ADCY9: variants seen among roughly 807,000 people sequenced by gnomAD.
ADCY9 encodes adenylate cyclase 9.
A neutral mutation model predicts 101.5 loss-of-function variants in ADCY9; 50 were observed. The ratio of observed to expected loss-of-function variants is 0.49; its 90% CI spans 0.39 to 0.62. The LOEUF is 0.62. Among genes scored for constraint, ADCY9 ranks in the 20% least tolerant of loss-of-function variants. The pLI is 0.00. For synonymous variants in ADCY9, 905 were observed against 769.3 expected, an observed-to-expected ratio of 1.18 and a Z score of -2.92; for missense variants, 1,662 against 1,800.4, an observed-to-expected ratio of 0.92 and a Z score of 1.39.
At chr16:4,109,532 C>T (rs2057100469) in intron 2 of ADCY9, among the ~76,000 whole-genome samples, 1 of 152,144 alleles carries the variant, frequency 6.6e-6, no homozygotes, top group African/African-American at 2.4e-5. Flanking sequence ...CCATTCATAC[C>T]ATAGCAACTT....
At chr16:4,108,786 A>G (rs1275837060) in intron 2 of ADCY9, among the ~76,000 whole-genome samples, 1 of 149,450 alleles carries the variant, frequency 6.7e-6, no homozygotes, top group Admixed American at 6.7e-5. Flanking sequence ...GCTCACTGCA[A>G]CCTCCGTCTC....
intron 2 of ADCY9, among the ~76,000 whole-genome samples, chr16:4,049,282 C>G (rs907129975): frequency 2.6e-5 from 4 of 152,084 alleles, no homozygotes; most frequent in African/African-American, 9.7e-5. Flanking sequence ...GAAGAGGGTC[C>G]AGGGAAATGC....
At chr16:4,085,341 G>A (rs1179126868) in intron 2 of ADCY9, among the ~76,000 whole-genome samples, 2 of 152,206 alleles carry the variant, frequency 1.3e-5, no homozygotes, top group Non-Finnish European at 2.9e-5. Context: ...CAGCCTGGGC[G>A]ACAGAGCAAG....
At chr16:4,014,106 C>T (rs1001895645) in intron 2 of ADCY9, among the ~76,000 whole-genome samples, 30 of 152,190 alleles carry the variant, frequency 2.0e-4, no homozygotes, top group African/African-American at 7.2e-4. Flanking sequence ...ATCAGTTGTG[C>T]TCAGGAGTTT....
chr16:4,028,926 A>G (rs2056535762), intron 2 of ADCY9, among the ~76,000 whole-genome samples: 1 of 151,980 alleles, frequency 6.6e-6, no homozygotes, highest in Non-Finnish European at 1.5e-5. Context: ...CTAGGACTAC[A>G]GGCACCTGCC....
intron 3 of ADCY9, among the ~76,000 whole-genome samples, chr16:4,002,402 C>G (rs951531772): frequency 2.4e-4 from 37 of 152,152 alleles, no homozygotes; most frequent in Admixed American, 2.0e-4. Context: ...TCAAAATTCA[C>G]TGTCACAAAA....
At position 3,963,121 on chromosome 16, in the gene ADCY9, TATATATATATATATATATATATGG is replaced by T. The variant is rs1597128671; in HGVS notation, c.*2630_*2653del. The T allele has an allele frequency of 7.7e-6, 1 of 129,522 alleles. No individual in the cohort carries two copies. Among genetic ancestry groups the T allele is most frequent in the East Asian group, 2.2e-4 (1 of 4,484 alleles). 8.0% of individuals were successfully genotyped at this position (129,522 alleles called of 1,614,324 possible). A position where few individuals can be genotyped will look rare whatever the true frequency, so the allele number is the denominator to read the frequency against. ...CCATATATATATATATATATATATA[TATATATATATATATATATATATGG>T]ATATATAATTCGATCTGAGCTGGGA... On this transcript the variant is annotated 3_prime_UTR_variant, in exon 11 of 11. Transcript: ENST00000294016.
At chr16:4,052,764 AAAG>A (rs2056710092) in intron 2 of ADCY9, among the ~76,000 whole-genome samples, 1 of 152,198 alleles carries the variant, frequency 6.6e-6, no homozygotes, top group African/African-American at 2.4e-5. Context: ...TATGCTACTC[AAAG>A]AATATTGAAT....
chr16:3,966,070 A>G lies in ADCY9; in HGVS notation c.3767T>C (p.Leu1256Pro), dbSNP rs764775400. 1.2e-6 allele frequency: 2 copies of G among 1,614,106 alleles called. No individual in the cohort carries two copies. The highest frequency in any genetic ancestry group is 1.7e-5 in the Admixed American group (1 of 60,006). ...TDHRVIPQHQ[L>P]SISPDIRVQV... Reference sequence around the variant, plus strand: ...GACGCGGATGTCTGGGGAGATGGACAGCTGGTGCTGTGGGATGACCCTGTG... The same window carrying G: ...GACGCGGATGTCTGGGGAGATGGACGGCTGGTGCTGTGGGATGACCCTGTG... The change falls in exon 11 of 11, where the codon CTG becomes CCG. Residue 1256 changes from leucine to proline, a missense_variant. By Grantham distance (98) the Leu-to-Pro change is moderately conservative. Transcript: ENST00000294016.
chr16:3,983,768 C>G (rs2056167125), intron 6 of ADCY9: 1 of 305,154 alleles, frequency 3.3e-6, no homozygotes, highest in South Asian at 5.2e-5. Context: ...CTACAAAAAA[C>G]TTTAAAATTA....
At chr16:4,072,677 G>A (rs1284750756) in intron 2 of ADCY9, among the ~76,000 whole-genome samples, 1 of 152,214 alleles carries the variant, frequency 6.6e-6, no homozygotes, top group African/African-American at 2.4e-5. Context: ...AGAGATAATG[G>A]CCAATAATTT....
At chr16:4,043,908 G>C (rs1406205814) in intron 2 of ADCY9, among the ~76,000 whole-genome samples, 1 of 151,840 alleles carries the variant, frequency 6.6e-6, no homozygotes, top group Non-Finnish European at 1.5e-5. Flanking sequence ...CCTTGAGTGG[G>C]GCACTTAAGT....
chr16:4,048,562 C>T (rs540586700), intron 2 of ADCY9, among the ~76,000 whole-genome samples: 8 of 152,214 alleles, frequency 5.3e-5, no homozygotes, highest in South Asian at 4.2e-4. Context: ...TAGAGGGACA[C>T]GGGTGAGATG....
At chr16:4,001,630 C>T (rs1352072718) in intron 3 of ADCY9, among the ~76,000 whole-genome samples, 1 of 152,158 alleles carries the variant, frequency 6.6e-6, no homozygotes, top group Non-Finnish European at 1.5e-5. Context: ...CTCACTGCAG[C>T]CTCTGCCTCC....
intron 2 of ADCY9, among the ~76,000 whole-genome samples, chr16:4,045,421 C>T (rs2056655879): frequency 1.3e-5 from 2 of 151,600 alleles, no homozygotes; most frequent in South Asian, 4.2e-4. Context: ...ATGGTGAAAC[C>T]CTGTCTCTAC....
chr16:4,032,933 G>A (rs1054990443), intron 2 of ADCY9: 1 of 152,182 alleles, frequency 6.6e-6, no homozygotes, highest in East Asian at 1.9e-4. Flanking sequence ...GGAAGCCGTC[G>A]GCCACACAGC....
intron 10 of ADCY9, among the ~76,000 whole-genome samples, chr16:3,969,605 TATATGTA>T (rs1271622072): frequency 1.3e-4 from 13 of 98,560 alleles, no homozygotes; most frequent in African/African-American, 6.4e-4. Flanking sequence ...TATATATATA[TATATGTA>T]TTTTTTTTTT....
intron 2 of ADCY9, among the ~76,000 whole-genome samples, chr16:4,081,416 C>T (rs920233349): frequency 5.9e-5 from 9 of 152,226 alleles, no homozygotes; most frequent in Non-Finnish European, 1.3e-4. Flanking sequence ...TGCAGAACAG[C>T]TAATGCTTTG....
chr16:3,984,710 G>A (rs2056175665), intron 6 of ADCY9, among the ~76,000 whole-genome samples: 1 of 152,254 alleles, frequency 6.6e-6, no homozygotes, highest in Non-Finnish European at 1.5e-5. Flanking sequence ...GATGTAGCCA[G>A]TTCAGCTGCT....
Sources: allele counts gnomAD v4.1 joint callset (sites outside exome capture counted in the v4.1 genomes callset), GRCh38; gene constraint gnomAD v4.1.1; transcripts MANE v1.5; gene names NCBI Gene and HGNC (gene_info 2026-07-23, HGNC 2026-07-21).